ENAM: variants seen among roughly 807,000 people sequenced by gnomAD.
The protein encoded by ENAM is enamelin.
Under a neutral mutation model 33.6 loss-of-function variants are expected in ENAM, and 21 were observed. That is an observed-to-expected ratio of 0.63 (90% CI 0.44 to 0.90). The LOEUF is 0.90. Among genes scored for constraint, ENAM ranks in the 40% least tolerant of loss-of-function variants. The pLI is 0.00. For missense variants in ENAM, 1,388 were observed against 1,366.9 expected, an observed-to-expected ratio of 1.02 and a Z score of -0.24; for synonymous variants, 473 against 468.4, an observed-to-expected ratio of 1.01 and a Z score of -0.13.
At chr4:70,632,036 T>G (rs1443255530) in intron 4 of ENAM, 143 bp downstream of exon 4, 1 of 806,622 alleles carries the variant, frequency 1.2e-6, no homozygotes, top group Non-Finnish European at 2.1e-6. Flanking sequence ...AGTCTTAAAC[T>G]CTCAAATCGA....
chr4:70,644,757 G>T lies in ENAM; in HGVS notation c.3331G>T (p.Asp1111Tyr), dbSNP rs1263782726. The change falls in exon 9 of 9, where the codon GAC becomes TAC. Residue 1111 changes from aspartate (D) to tyrosine (Y), a missense_variant. Physicochemically the swap from Asp to Tyr is radical, Grantham distance 160. Transcript: ENST00000396073. ...GGAACAATTTAAGAGTATAAATGTA[G>T]ACCCACTTGATGCAGATGAACACAG... ...TEEQFKSINV[D>Y]PLDADEHSPF... is the part of the protein sequence containing the mutation. 1.9e-6 allele frequency: 3 copies of T among 1,613,850 alleles called. No individual in the cohort carries two copies. The highest frequency in any genetic ancestry group is 2.5e-6 in the Non-Finnish European group (3 of 1,179,868).
chr4:70,643,613 A>G lies in ENAM; in HGVS notation c.2187A>G (p.Pro729=). The G allele has an allele frequency of 6.2e-7, 1 of 1,614,110 alleles. No individual in the cohort carries two copies. ...CATGGAGCCCGGATGAGAATTTTCCATCATATAATACAGCTTCTACTATGC... is the reference window on the plus strand; with the variant it reads ...CATGGAGCCCGGATGAGAATTTTCCGTCATATAATACAGCTTCTACTATGC... ...FYPWSPDENF[P]SYNTASTMPP... Residue 729 remains proline, a synonymous_variant, in exon 9 of 9, where the codon CCA becomes CCG. Coordinates refer to ENST00000396073, the MANE Select transcript of ENAM (RefSeq NM_031889.3).
Position 70,644,134 on chromosome 4 carries a change from A to T in ENAM, c.2708A>T (p.Asn903Ile). ...TPSYGLAPGE[N>I]QDTSPLYTDG... is the part of the protein sequence containing the mutation. ...TCCTATGGTCTTGCACCTGGGGAGA[A>T]CCAAGACACCAGTCCTCTGTATACA... Residue 903 changes from asparagine (N) to isoleucine (I), a missense_variant, in exon 9 of 9, where the codon AAC becomes ATC. Asn to Ile is a moderately radical substitution (Grantham distance 149, BLOSUM62 -3). Transcript: ENST00000396073. 1 of 1,614,134 alleles carries T rather than the reference A, an allele frequency of 6.2e-7. No homozygotes were observed. Among genetic ancestry groups the T allele is most frequent in the Non-Finnish European group, 8.5e-7 (1 of 1,180,010 alleles).
Position 70,643,274 on chromosome 4 carries a change from A to G in ENAM, c.1848A>G (p.Arg616=). ...CCAGGGAAAACTCACCATACCTTAG[A>G]GGCAATACATGGGATGAGAGAGATG... The part of the protein sequence containing the change: ...YDPRENSPYL[R]GNTWDERDDS... The change falls in exon 9 of 9, where the codon AGA becomes AGG. Residue 616 remains arginine, a synonymous_variant. Coordinates refer to ENST00000396073, the MANE Select transcript of ENAM (RefSeq NM_031889.3). 6.2e-7 allele frequency: 1 copy of G among 1,614,098 alleles called. No homozygotes were observed. The highest frequency in any genetic ancestry group is 8.5e-7 in the Non-Finnish European group (1 of 1,180,002).
rs1254213104 is a variant in ENAM at position 70,645,451 on chromosome 4, T to TTC, written c.*602_*603dup. 1 of 154,220 alleles carries TTC rather than the reference T, an allele frequency of 6.5e-6. No homozygotes were observed. Among genetic ancestry groups the TTC allele is most frequent in the Admixed American group, 6.4e-5 (1 of 15,664 alleles). The allele number at this position is 154,220 out of a possible 1,614,324, so 9.6% of individuals were successfully genotyped here. On this transcript the variant is annotated 3_prime_UTR_variant, in exon 9 of 9. Coordinates refer to ENST00000396073, the MANE Select transcript of ENAM (RefSeq NM_031889.3). Reference sequence around the variant, plus strand: ...ATTTAGCTTTCTAATCCTCATCTTTTTCTCTCTGTATATCACTTCTTACAT... The same window carrying TTC: ...ATTTAGCTTTCTAATCCTCATCTTTTTCTCTCTCTGTATATCACTTCTTACAT...
At chr4:70,632,787 A>G (rs998632694) in intron 5 of ENAM, 95 bp downstream of exon 5, 9 of 867,330 alleles carry the variant, frequency 1.0e-5, no homozygotes, top group East Asian at 2.4e-5. Flanking sequence ...ACCAATCCAC[A>G]TGTTTTAAGT....
At chr4:70,636,895 G>A (rs1229380586) in intron 7 of ENAM, among the ~76,000 whole-genome samples, 2 of 152,080 alleles carry the variant, frequency 1.3e-5, no homozygotes, top group African/African-American at 2.4e-5. Flanking sequence ...AATACGAATG[G>A]CAAAATAAAC....
chr4:70,642,188 C>G lies in ENAM; in HGVS notation c.762C>G (p.Thr254=). 6.2e-7 allele frequency: 1 copy of G among 1,614,158 alleles called. No individual in the cohort carries two copies. Among genetic ancestry groups the G allele is most frequent in the Non-Finnish European group, 8.5e-7 (1 of 1,180,032 alleles). The change falls in exon 9 of 9, where the codon ACC becomes ACG. Residue 254 remains threonine (T), a synonymous_variant. Transcript: ENST00000396073. ...ANSTVTETNS[T]QPNPKGSQGG... is the part of the protein sequence containing the mutation. The stretch of plus-strand genomic sequence containing the variant: ...CAACAGTCACTGAGACGAATTCTAC[C>G]CAACCAAATCCTAAAGGGAGTCAGG...
In ENAM at chr4:70,644,478, C is replaced by G. The variant is rs150633425; in HGVS notation, c.3052C>G (p.Gln1018Glu). Residue 1018 changes from glutamine to glutamate, a missense_variant, in exon 9 of 9, where the codon CAG becomes GAG. Physicochemically the swap from Gln to Glu is conservative, Grantham distance 29. Transcript: ENST00000396073. The stretch of plus-strand genomic sequence containing the variant: ...AAGAACTGTTGACCTTACTCCTGAG[C>G]AGCTTGTTATTGGTACACCTGATGA... ...NERTVDLTPE[Q>E]LVIGTPDEGS... 2 of 1,614,028 alleles carry G rather than the reference C, an allele frequency of 1.2e-6. No homozygotes were observed. The highest frequency in any genetic ancestry group is 2.7e-5 in the African/African-American group (2 of 74,902).
Position 70,634,393 on chromosome 4 carries a change from CCA to C in ENAM, c.297_298del (p.Asn100HisfsTer14), listed in dbSNP as rs748423230. On this transcript the variant is annotated frameshift_variant, in exon 6 of 9. Transcript: ENST00000396073. LOFTEE classifies it high-confidence loss of function. ...ATGCCCATGTGGCCTCAGCCACCAC[CCA>C]ACACATGGCATCCACGGAAATCCTC... 3.0e-5 allele frequency: 48 copies of C among 1,614,108 alleles called. No individual in the cohort carries two copies. In the South Asian group the frequency reaches 5.1e-4, roughly 17 times the overall value.
intron 5 of ENAM, among the ~76,000 whole-genome samples, chr4:70,633,206 T>C (rs1577968620): frequency 1.3e-5 from 2 of 152,258 alleles, no homozygotes; most frequent in South Asian, 2.1e-4. Context: ...GATAAAATTG[T>C]ATGTTAGCAT....
At chr4:70,640,695 A>G (rs12640848) in intron 8 of ENAM, among the ~76,000 whole-genome samples, 72,102 of 151,924 alleles carry the variant, frequency 0.47, 21,875 homozygotes, top group Non-Finnish European at 0.69. Flanking sequence ...TTTTATTATC[A>G]TCTCCATATT....
Position 70,644,658 on chromosome 4 carries a change from A to G in ENAM, c.3232A>G (p.Arg1078Gly), listed in dbSNP as rs753841401. The G allele has an allele frequency of 6.2e-7, 1 of 1,614,150 alleles. No homozygotes were observed. Among genetic ancestry groups the G allele is most frequent in the Non-Finnish European group, 8.5e-7 (1 of 1,179,986 alleles). ...CACCGGAACTCCATCTAGCGATGGAAGGCAAAGCCCATTTGATGGGGATTC... is the reference window on the plus strand; with the variant it reads ...CACCGGAACTCCATCTAGCGATGGAGGGCAAAGCCCATTTGATGGGGATTC... ...STTGTPSSDG[R>G]QSPFDGDSIT... The change falls in exon 9 of 9, where the codon AGG becomes GGG. Residue 1078 changes from arginine to glycine, a missense_variant. Coordinates refer to ENST00000396073, the MANE Select transcript of ENAM (RefSeq NM_031889.3).
rs756783758 is a variant in ENAM, at chr4:70,642,234, A to T, written c.808A>T (p.Thr270Ser). The T allele has an allele frequency of 6.2e-7, 1 of 1,614,008 alleles. No individual in the cohort carries two copies. The highest frequency in any genetic ancestry group is 8.5e-7 in the Non-Finnish European group (1 of 1,180,022). Residue 270 changes from threonine to serine, a missense_variant, in exon 9 of 9, where the codon ACA (threonine) becomes TCA (serine). Coordinates refer to ENST00000396073, the MANE Select transcript of ENAM (RefSeq NM_031889.3). ...TCAGGGAGGAAATGACACCAGCCCC[A>T]CAGGAAACAGTACCCCAGGACTAAA... ...GSQGGNDTSP[T>S]GNSTPGLNTG...
chr4:70,638,259 A>C (rs1429409164), intron 8 of ENAM, among the ~76,000 whole-genome samples: 3 of 152,104 alleles, frequency 2.0e-5, no homozygotes, highest in Non-Finnish European at 4.4e-5. Context: ...TAGGAGAAGA[A>C]CCAAATGTAT....
Position 70,643,545 on chromosome 4 carries a change from C to T in ENAM, c.2119C>T (p.Pro707Ser). The T allele has an allele frequency of 6.2e-7, 1 of 1,613,920 alleles. No individual in the cohort carries two copies. The highest frequency in any genetic ancestry group is 1.1e-5 in the South Asian group (1 of 91,070). ...KEYLPYSLDN[P>S]SKPREDFYYS... ...ATATCTTCCCTATTCTTTAGATAAT[C>T]CATCAAAACCAAGGGAGGATTTTTA... Residue 707 changes from proline (P) to serine (S), a missense_variant, in exon 9 of 9, where the codon CCA becomes TCA. By Grantham distance (74) the Pro-to-Ser change is moderately conservative. Coordinates refer to ENST00000396073, the MANE Select transcript of ENAM (RefSeq NM_031889.3).
At chr4:70,638,463 T>C (rs2109823149) in intron 8 of ENAM, among the ~76,000 whole-genome samples, 2 of 138,504 alleles carry the variant, frequency 1.4e-5, no homozygotes, top group East Asian at 2.0e-4. Context: ...TTTTTTTTTT[T>C]TTTTTTTTTT....
chr4:70,636,643 C>A (rs531490033), intron 7 of ENAM, among the ~76,000 whole-genome samples: 1 of 152,164 alleles, frequency 6.6e-6, no homozygotes, highest in South Asian at 2.1e-4. Context: ...ATGGCAGGCA[C>A]CTGTAATCCC....
At chr4:70,641,015 G>C (rs72654390) in intron 8 of ENAM, among the ~76,000 whole-genome samples, 1 of 152,194 alleles carries the variant, frequency 6.6e-6, no homozygotes, top group African/African-American at 2.4e-5. Flanking sequence ...CAGTTCAGGG[G>C]TACTGTGGAT....
Sources: gnomAD v4.1 joint callset for allele counts (sites outside exome capture counted in the v4.1 genomes callset) on GRCh38, gnomAD v4.1.1 for gene constraint, MANE v1.5 for transcripts, NCBI Gene and HGNC (gene_info 2026-07-23, HGNC 2026-07-21) for gene names.